Variants in ADCY2 observed in about 807,000 individuals in gnomAD.
ADCY2 encodes adenylate cyclase type 2.
ADCY2 carries 31 observed loss-of-function variants against 125.2 expected under a neutral mutation model. The observed-to-expected ratio is 0.25, with a 90% CI of 0.19 to 0.33. The LOEUF is 0.33. ADCY2 is among the 10% of genes least tolerant of loss of function. The pLI, the probability that ADCY2 is intolerant of heterozygous loss-of-function variation, is 1.00. For synonymous variants in ADCY2, 512 were observed against 548.4 expected (o/e 0.93, Z 0.93); for missense variants, 904 against 1,418.2 (o/e 0.64, Z 5.82).
rs536704034 is a variant in ADCY2 at position 7,576,914 on chromosome 5, T to C, written c.571-49253T>C. Among the ~76,000 whole-genome samples, 38 of 152,316 alleles carry C rather than the reference T, an allele frequency of 2.5e-4. 1 individual carries two copies. The South Asian group carries it at 6.6e-3, about 27-fold the overall frequency. On this transcript the variant is annotated intron_variant, in intron 3 of 24. Transcript: ENST00000338316. Reference sequence around the variant, plus strand: ...GGCAGACTATTTTAAAGAAAATACATGTGCAAGTCTGGTTTTCCTGAATAG... The same window carrying C: ...GGCAGACTATTTTAAAGAAAATACACGTGCAAGTCTGGTTTTCCTGAATAG...
intron 14 of ADCY2, among the ~76,000 whole-genome samples, chr5:7,727,678 A>G (rs972809104): frequency 9.9e-5 from 15 of 151,854 alleles, no homozygotes; most frequent in African/African-American, 3.4e-4. Flanking sequence ...TTGCCCACCC[A>G]TCCATTTTGT....
At chr5:7,457,040 T>C (rs1451203904) in intron 2 of ADCY2, among the ~76,000 whole-genome samples, 2 of 152,192 alleles carry the variant, frequency 1.3e-5, no homozygotes, top group Non-Finnish European at 2.9e-5. Context: ...AACAACTGAC[T>C]CAGAAACTTA....
intron 20 of ADCY2, among the ~76,000 whole-genome samples, chr5:7,790,600 C>G (rs1414920486): frequency 6.6e-6 from 1 of 152,178 alleles, no homozygotes; most frequent in Non-Finnish European, 1.5e-5. Context: ...TGGTGTTTCC[C>G]AGATGTCTGA....
intron 2 of ADCY2, among the ~76,000 whole-genome samples, chr5:7,448,426 C>A (rs896126772): frequency 6.6e-6 from 1 of 152,054 alleles, no homozygotes; most frequent in Admixed American, 6.6e-5. Context: ...TTATGTAAGG[C>A]CTGTAACAGC....
chr5:7,757,778 C>T (rs1350578247), intron 16 of ADCY2, among the ~76,000 whole-genome samples, 192 bp downstream of exon 16: 1 of 152,040 alleles, frequency 6.6e-6, no homozygotes, highest in Non-Finnish European at 1.5e-5. Flanking sequence ...GGGACCTGTT[C>T]TGTGGAATTT....
Position 7,414,787 on chromosome 5 carries a change from T to G in ADCY2, c.408+17T>G. On this transcript the variant is annotated intron_variant, in intron 2 of 24. Transcript: ENST00000338316. ...TGGGACCAGGTAAGGTGTGAAAATA[T>G]TTTTTGTACTTCTTTTATGTCTTGA... is the stretch of plus-strand genomic sequence containing the variant. 1 of 1,586,304 alleles carries G rather than the reference T, an allele frequency of 6.3e-7. No homozygotes were observed.
chr5:7,636,293 G>A (rs567679478), intron 4 of ADCY2, among the ~76,000 whole-genome samples: 16 of 152,360 alleles, frequency 1.1e-4, no homozygotes, highest in African/African-American at 3.4e-4. Flanking sequence ...GAATGAGAGA[G>A]AGAGGGAGCT....
intron 4 of ADCY2, 50 bp from the exon 5 acceptor site, chr5:7,690,640 TC>T (rs1351185824): frequency 2.8e-6 from 4 of 1,433,060 alleles, no homozygotes; most frequent in Non-Finnish European, 3.7e-6. Context: ...TATTTGGTCA[TC>T]CCCCGAGGTG....
At chr5:7,804,507 T>A in intron 21 of ADCY2, 78 bp from the exon 22 acceptor site, 1 of 1,117,630 alleles carries the variant, frequency 8.9e-7, no homozygotes, top group South Asian at 1.3e-5. Flanking sequence ...GAACCAGCAT[T>A]TGAGAATGTC....
chr5:7,473,109 T>C (rs1024381987), intron 2 of ADCY2, among the ~76,000 whole-genome samples: 5 of 152,102 alleles, frequency 3.3e-5, no homozygotes, highest in Admixed American at 6.5e-5. Context: ...CACATTCTTA[T>C]AATCTGGATA....
At chr5:7,805,701 G>A (rs1244229609) in intron 22 of ADCY2, among the ~76,000 whole-genome samples, 1 of 152,138 alleles carries the variant, frequency 6.6e-6, no homozygotes. Context: ...ACCTCCCATG[G>A]GAAGAGTGAG....
At chr5:7,603,677 G>A (rs1737293454) in intron 3 of ADCY2, among the ~76,000 whole-genome samples, 1 of 150,408 alleles carries the variant, frequency 6.6e-6, no homozygotes, top group East Asian at 1.9e-4. Flanking sequence ...TCTAATAACT[G>A]GTGTTACTGG....
chr5:7,654,323 G>T (rs111481070), intron 4 of ADCY2: 15 of 359,752 alleles, frequency 4.2e-5, no homozygotes, highest in African/African-American at 2.3e-4. Flanking sequence ...TGCAGCACAG[G>T]GAGGCCAAGA....
intron 3 of ADCY2, among the ~76,000 whole-genome samples, chr5:7,532,043 A>G (rs1163119940): frequency 2.0e-5 from 3 of 152,226 alleles, no homozygotes; most frequent in African/African-American, 7.2e-5. Context: ...CAACATATGA[A>G]GATAGCTTCT....
intron 3 of ADCY2, among the ~76,000 whole-genome samples, chr5:7,582,303 A>G (rs1288337364): frequency 6.6e-6 from 1 of 152,216 alleles, no homozygotes; most frequent in African/African-American, 2.4e-5. Context: ...AAAATGAAAA[A>G]GAGTAAGAGA....
In ADCY2 at chr5:7,520,770, G is replaced by A. The variant is rs1744414287; in HGVS notation, c.441G>A (p.Val147=). The A allele has an allele frequency of 6.2e-7, 1 of 1,614,016 alleles. No individual in the cohort carries two copies. The highest frequency in any genetic ancestry group is 1.3e-5 in the African/African-American group (1 of 74,910). Residue 147 remains valine, a synonymous_variant, in exon 3 of 25, where the codon GTG becomes GTA. Transcript: ENST00000338316. Reference sequence around the variant, plus strand: ...TCTTCCTCTTCATCATCTTCGTGGTGTACACCATGCTGCCCTTCAACATGC... The same window carrying A: ...TCTTCCTCTTCATCATCTTCGTGGTATACACCATGCTGCCCTTCAACATGC... ...VSFFLFIIFV[V]YTMLPFNMRD... is the part of the protein sequence containing the mutation.
chr5:7,768,603 T>G (rs1743465407), intron 17 of ADCY2, among the ~76,000 whole-genome samples: 1 of 152,216 alleles, frequency 6.6e-6, no homozygotes, highest in African/African-American at 2.4e-5. Flanking sequence ...TCACCACACT[T>G]GGCATCACTA....
chr5:7,726,847 G>A (rs985938656), intron 13 of ADCY2, among the ~76,000 whole-genome samples: 192 of 152,236 alleles, frequency 1.3e-3, no homozygotes, highest in African/African-American at 4.3e-3. Context: ...GGTCACAGGC[G>A]CGATTCACAG....
intron 3 of ADCY2, among the ~76,000 whole-genome samples, chr5:7,584,599 G>A (rs1003940223): frequency 1.3e-5 from 2 of 152,008 alleles, no homozygotes; most frequent in East Asian, 1.9e-4. Context: ...ATGCCATGAC[G>A]AACAACCGAA....
Sources: allele counts gnomAD v4.1 joint callset (sites outside exome capture counted in the v4.1 genomes callset), GRCh38; gene constraint gnomAD v4.1.1; transcripts MANE v1.5; gene names NCBI Gene and HGNC (gene_info 2026-07-23, HGNC 2026-07-21).